The following AGBL1 variants were observed in gnomAD, a reference collection of about 807,000 sequenced individuals.
AGBL1 encodes AGBL carboxypeptidase 1, also known as cytosolic carboxypeptidase 4.
A neutral mutation model predicts 118.9 loss-of-function variants in AGBL1; 130 were observed. The ratio of observed to expected loss-of-function variants is 1.09; its 90% CI spans 0.95 to 1.26. The LOEUF (loss-of-function observed/expected upper bound fraction) is 1.26. Ranked by LOEUF, AGBL1 falls within the 50% of genes most tolerant of loss-of-function variation. The pLI is 0.00. For synonymous variants in AGBL1, 555 were observed against 478.9 expected, an observed-to-expected ratio of 1.16 and a Z score of -2.08; for missense variants, 1,584 against 1,298.1, an observed-to-expected ratio of 1.22 and a Z score of -3.38.
chr15:86,450,494 G>A (rs995055391), intron 18 of AGBL1, among the ~76,000 whole-genome samples: 1 of 152,168 alleles, frequency 6.6e-6, no homozygotes, highest in Non-Finnish European at 1.5e-5. Context: ...AGTGTTTGGG[G>A]CCACATGCTT....
At chr15:86,753,718 G>A (rs1326870464) in intron 22 of AGBL1, among the ~76,000 whole-genome samples, 1 of 151,940 alleles carries the variant, frequency 6.6e-6, no homozygotes, top group Non-Finnish European at 1.5e-5. Context: ...CTTTCTAACT[G>A]TCAATCATGT....
At chr15:86,251,579 C>A (rs1312886168) in intron 7 of AGBL1, among the ~76,000 whole-genome samples, 2 of 152,058 alleles carry the variant, frequency 1.3e-5, no homozygotes, top group African/African-American at 4.8e-5. Flanking sequence ...ACACCTTTGC[C>A]ATCATAATAT....
intron 1 of AGBL1, among the ~76,000 whole-genome samples, chr15:86,131,551 C>T (rs1028984494): frequency 2.6e-5 from 4 of 151,972 alleles, no homozygotes; most frequent in African/African-American, 4.8e-5. Context: ...ATTTCCTTAT[C>T]GTTATGATAA....
intron 7 of AGBL1, 38 bp downstream of exon 7, chr15:86,247,917 A>G: frequency 6.2e-7 from 1 of 1,603,784 alleles, no homozygotes. Context: ...GCTGGAGGCC[A>G]GCTGGGTGAT....
At chr15:86,124,392 AT>A (rs1189282529) in intron 1 of AGBL1, among the ~76,000 whole-genome samples, 1 of 151,900 alleles carries the variant, frequency 6.6e-6, no homozygotes, top group African/African-American at 2.4e-5. Context: ...TACCAAAAAA[AT>A]CAATAATGTA....
intron 22 of AGBL1, among the ~76,000 whole-genome samples, chr15:86,806,688 A>C (rs1284930521): frequency 6.6e-6 from 1 of 152,018 alleles, no homozygotes; most frequent in African/African-American, 2.4e-5. Context: ...AAATTGAATT[A>C]ATTTATGTAT....
intron 21 of AGBL1, among the ~76,000 whole-genome samples, chr15:86,568,358 A>G (rs2083948958): frequency 6.6e-6 from 1 of 152,178 alleles, no homozygotes; most frequent in Non-Finnish European, 1.5e-5. Flanking sequence ...AATGCCCCCA[A>G]GAAGATTAAG....
chr15:86,833,042 G>A (rs1191501940), intron 22 of AGBL1, among the ~76,000 whole-genome samples: 1 of 152,080 alleles, frequency 6.6e-6, no homozygotes, highest in Non-Finnish European at 1.5e-5. Flanking sequence ...ATTTGCAGGG[G>A]AACTCCCCTT....
intron 22 of AGBL1, among the ~76,000 whole-genome samples, chr15:86,879,652 A>C (rs1241698571): frequency 1.3e-5 from 2 of 152,210 alleles, no homozygotes; most frequent in East Asian, 3.8e-4. Flanking sequence ...TCCCCACAAT[A>C]AATTACACCT....
At chr15:86,773,607 GTT>G (rs1231994223) in intron 22 of AGBL1, among the ~76,000 whole-genome samples, 2 of 148,526 alleles carry the variant, frequency 1.3e-5, no homozygotes, top group Non-Finnish European at 3.0e-5. Context: ...GTGGTGTTTG[GTT>G]TTTTGTTGAA....
intron 1 of AGBL1, among the ~76,000 whole-genome samples, chr15:86,133,870 A>G (rs1479053790): frequency 6.6e-6 from 1 of 152,318 alleles, no homozygotes; most frequent in Admixed American, 6.5e-5. Flanking sequence ...ATATCTTAAC[A>G]TTTTGTTACA....
intron 22 of AGBL1, among the ~76,000 whole-genome samples, chr15:86,787,112 T>G (rs1478203421): frequency 6.6e-6 from 1 of 152,164 alleles, no homozygotes; most frequent in African/African-American, 2.4e-5. Flanking sequence ...TCTTTGATTG[T>G]TTTTTAAATG....
At chr15:86,943,584 C>A (rs1214559535) in intron 23 of AGBL1, among the ~76,000 whole-genome samples, 2 of 152,168 alleles carry the variant, frequency 1.3e-5, no homozygotes, top group Non-Finnish European at 2.9e-5. Flanking sequence ...GGCCACCCCA[C>A]CCTAATCTTT....
At chr15:86,474,669 A>C (rs940778768) in intron 18 of AGBL1, among the ~76,000 whole-genome samples, 1 of 152,214 alleles carries the variant, frequency 6.6e-6, no homozygotes, top group East Asian at 1.9e-4. Flanking sequence ...GCCAAACAAA[A>C]GGCAGCAGAA....
At chr15:86,990,987 G>A (rs1199827947) in intron 24 of AGBL1, among the ~76,000 whole-genome samples, 2 of 152,192 alleles carry the variant, frequency 1.3e-5, no homozygotes, top group South Asian at 2.1e-4. Context: ...TTCTGTTATT[G>A]AGAATAGTGA....
At chr15:86,823,434 A>T (rs896739482) in intron 22 of AGBL1, among the ~76,000 whole-genome samples, 1 of 152,158 alleles carries the variant, frequency 6.6e-6, no homozygotes, top group Admixed American at 6.6e-5. Context: ...TCACCTGAAG[A>T]AGGAGCCTTG....
intron 19 of AGBL1, among the ~76,000 whole-genome samples, chr15:86,532,422 C>T (rs1478522718): frequency 7.6e-6 from 1 of 132,092 alleles, no homozygotes; most frequent in Admixed American, 7.5e-5. Flanking sequence ...AGGACCTCTT[C>T]AAGGAGAACT....
chr15:86,661,039 C>T (rs931581493), intron 21 of AGBL1, among the ~76,000 whole-genome samples: 3 of 152,146 alleles, frequency 2.0e-5, no homozygotes, highest in African/African-American at 4.8e-5. Context: ...TATGTTGCTA[C>T]ACCTGCTTAG....
At chr15:86,900,600 G>A (rs1358413728) in intron 22 of AGBL1, among the ~76,000 whole-genome samples, 1 of 151,526 alleles carries the variant, frequency 6.6e-6, no homozygotes. Context: ...TTTATTTTTT[G>A]AGAGTTCAGA....
Sources: gnomAD v4.1 joint callset for allele counts (sites outside exome capture counted in the v4.1 genomes callset) on GRCh38, gnomAD v4.1.1 for gene constraint, MANE v1.5 for transcripts, NCBI Gene and HGNC (gene_info 2026-07-23, HGNC 2026-07-21) for gene names.